Variants in GALNT17 observed in about 807,000 individuals in gnomAD.
The protein encoded by GALNT17 is UDP-GalNAc:polypeptide N-acetylgalactosaminyltransferase-like 3.
Under a neutral mutation model 63.7 loss-of-function variants are expected in GALNT17, and 29 were observed. The observed-to-expected ratio is 0.46, with a 90% CI of 0.34 to 0.62. The LOEUF is 0.62. Ranked by LOEUF, GALNT17 falls within the 20% of genes least tolerant of loss-of-function variation. The pLI is 0.01. For missense variants in GALNT17, 603 were observed against 799.6 expected (o/e 0.75, Z 2.97); for synonymous variants, 305 against 318.3 (o/e 0.96, Z 0.45).
intron 1 of GALNT17, among the ~76,000 whole-genome samples, chr7:71,146,023 A>T (rs1788016933): frequency 6.6e-6 from 1 of 151,650 alleles, no homozygotes; most frequent in Non-Finnish European, 1.5e-5. Flanking sequence ...GTTTTTTTTT[A>T]AAGGAATATT....
At chr7:71,347,093 G>T (rs958721166) in intron 2 of GALNT17, among the ~76,000 whole-genome samples, 3 of 152,106 alleles carry the variant, frequency 2.0e-5, no homozygotes, top group Non-Finnish European at 2.9e-5. Context: ...TAAGTTGAGG[G>T]GTGCCCTTTC....
At chr7:71,346,382 T>A (rs984144911) in intron 2 of GALNT17, among the ~76,000 whole-genome samples, 9 of 152,264 alleles carry the variant, frequency 5.9e-5, no homozygotes, top group Admixed American at 2.0e-4. Context: ...CTAACCACAA[T>A]AATTTTTCCC....
chr7:71,214,546 C>T lies in GALNT17; in HGVS notation c.238+81506C>T, dbSNP rs924202397. Reference sequence around the variant, plus strand: ...ACAATGTGGAAAAACTGCTTCCTCCCAGGGCACATTTTTCTGTTACTTCTT... The same window carrying T: ...ACAATGTGGAAAAACTGCTTCCTCCTAGGGCACATTTTTCTGTTACTTCTT... On this transcript the variant is annotated intron_variant, in intron 1 of 10. Coordinates refer to ENST00000333538, the MANE Select transcript of GALNT17 (RefSeq NM_022479.3). 9.3e-5 allele frequency among the ~76,000 whole-genome samples: 14 copies of T among 150,886 alleles called. No homozygotes were observed. The South Asian group carries it at 2.7e-3, about 29-fold the overall frequency.
chr7:71,474,023 A>G (rs147297559), intron 5 of GALNT17, among the ~76,000 whole-genome samples: 17 of 152,292 alleles, frequency 1.1e-4, no homozygotes, highest in African/African-American at 3.9e-4. Context: ...TCTTGATTAT[A>G]TGCTAAACAA....
At chr7:71,690,901 T>C in intron 9 of GALNT17, among the ~76,000 whole-genome samples, 1 of 152,190 alleles carries the variant, frequency 6.6e-6, no homozygotes, top group East Asian at 1.9e-4. Context: ...GACAGTGGTC[T>C]CTTGAGATGG....
At chr7:71,209,525 G>A (rs903778692) in intron 1 of GALNT17, among the ~76,000 whole-genome samples, 3 of 152,012 alleles carry the variant, frequency 2.0e-5, no homozygotes, top group Non-Finnish European at 4.4e-5. Flanking sequence ...TTGAGACAGG[G>A]TTTTGCTGTG....
intron 1 of GALNT17, among the ~76,000 whole-genome samples, chr7:71,212,523 G>A (rs531817537): frequency 1.6e-4 from 24 of 152,280 alleles, no homozygotes; most frequent in African/African-American, 2.9e-4. Flanking sequence ...GAGGGCCACC[G>A]TCCACCAGAC....
At chr7:71,234,968 C>T (rs745838516) in intron 1 of GALNT17, among the ~76,000 whole-genome samples, 21 of 152,060 alleles carry the variant, frequency 1.4e-4, no homozygotes, top group Non-Finnish European at 1.5e-4. Context: ...TCGGTCTGTT[C>T]AGCGGGGCGC....
At chr7:71,358,354 C>G (rs2116216890) in intron 2 of GALNT17, among the ~76,000 whole-genome samples, 1 of 152,340 alleles carries the variant, frequency 6.6e-6, no homozygotes, top group Admixed American at 6.5e-5. Context: ...GAGATTGCGC[C>G]ATTGCACTCC....
At chr7:71,461,736 G>C (rs182766390) in intron 5 of GALNT17, among the ~76,000 whole-genome samples, 2 of 152,286 alleles carry the variant, frequency 1.3e-5, no homozygotes, top group East Asian at 3.9e-4. Context: ...CAGGAGTGGG[G>C]CTGCCAGGCG....
chr7:71,689,735 A>C (rs983015204), intron 9 of GALNT17, among the ~76,000 whole-genome samples: 1 of 152,242 alleles, frequency 6.6e-6, no homozygotes, highest in African/African-American at 2.4e-5. Context: ...CAGATTTTCA[A>C]CGTAGACAGA....
intron 5 of GALNT17, among the ~76,000 whole-genome samples, chr7:71,564,476 G>T (rs1220604079): frequency 6.6e-6 from 1 of 151,526 alleles, no homozygotes; most frequent in Non-Finnish European, 1.5e-5. Context: ...CAGTAGAGAT[G>T]GGGTTTCACA....
intron 7 of GALNT17, among the ~76,000 whole-genome samples, chr7:71,668,193 A>G (rs1001294513): frequency 5.3e-4 from 80 of 152,158 alleles, no homozygotes; most frequent in African/African-American, 1.9e-3. Flanking sequence ...ACTGCAGACA[A>G]TCTCTGGTCC....
At chr7:71,556,103 CTT>C (rs1347920348) in intron 5 of GALNT17, among the ~76,000 whole-genome samples, 1 of 152,190 alleles carries the variant, frequency 6.6e-6, no homozygotes. Context: ...TTATTATACT[CTT>C]TTATTTGACT....
chr7:71,155,043 G>C (rs1036017626), intron 1 of GALNT17, among the ~76,000 whole-genome samples: 3 of 151,816 alleles, frequency 2.0e-5, no homozygotes, highest in Non-Finnish European at 2.9e-5. Context: ...GGTTGGCTAA[G>C]AATTTCAGTT....
Position 71,485,600 on chromosome 7 carries a change from C to G in GALNT17, c.962+64495C>G, listed in dbSNP as rs527367505. Among the ~76,000 whole-genome samples, 62 of 152,322 alleles carry G rather than the reference C, an allele frequency of 4.1e-4. No homozygotes were observed. The Middle Eastern group carries it at 0.01, about 25-fold the overall frequency. On this transcript the variant is annotated intron_variant, in intron 5 of 10. Transcript: ENST00000333538. ...ACCTTTCACCCAGACACTCCCACAG[C>G]TTAGTGCAGATGGTTTTGAGGATAT...
At chr7:71,592,774 T>C (rs1278631029) in intron 6 of GALNT17, among the ~76,000 whole-genome samples, 2 of 152,092 alleles carry the variant, frequency 1.3e-5, no homozygotes, top group Non-Finnish European at 2.9e-5. Flanking sequence ...ACATCATTTT[T>C]GAAGTATTAT....
chr7:71,427,593 C>T (rs1267409615), intron 5 of GALNT17, among the ~76,000 whole-genome samples: 1 of 152,064 alleles, frequency 6.6e-6, no homozygotes, highest in African/African-American at 2.4e-5. Flanking sequence ...TTGTTTGCCC[C>T]ATGTACTCTT....
chr7:71,539,731 T>TTTG (rs1788857035), intron 5 of GALNT17, among the ~76,000 whole-genome samples: 1 of 146,272 alleles, frequency 6.8e-6, no homozygotes, highest in African/African-American at 2.6e-5. Flanking sequence ...TTTTTTTTTT[T>TTTG]TGAGGCACGG....
Sources: allele counts gnomAD v4.1 joint callset (sites outside exome capture counted in the v4.1 genomes callset), GRCh38; gene constraint gnomAD v4.1.1; transcripts MANE v1.5; gene names NCBI Gene and HGNC (gene_info 2026-07-23, HGNC 2026-07-21).